Variants in THSD7B observed in about 807,000 individuals in gnomAD.
THSD7B encodes the protein thrombospondin type-1 domain-containing protein 7B.
In THSD7B, 138 loss-of-function variants were observed where a neutral mutation model predicts 213.6. That is an observed-to-expected ratio of 0.65 (90% CI 0.56 to 0.74). The LOEUF (loss-of-function observed/expected upper bound fraction) is 0.74, where lower values mean the gene tolerates loss of function less well. Ranked by LOEUF, THSD7B falls within the 30% of genes least tolerant of loss-of-function variation. THSD7B has a pLI of 0.00. For missense variants in THSD7B, 1,931 were observed against 1,991.5 expected, an observed-to-expected ratio of 0.97 and a Z score of 0.58; for synonymous variants, 742 against 687.0, an observed-to-expected ratio of 1.08 and a Z score of -1.25.
intron 12 of THSD7B, among the ~76,000 whole-genome samples, chr2:137,357,415 T>TTTTG (rs145915285): frequency 2.6e-4 from 40 of 152,218 alleles, no homozygotes; most frequent in African/African-American, 9.2e-4. Context: ...TTTAGAGTTT[T>TTTTG]TTTGTTTGTT....
intron 5 of THSD7B, among the ~76,000 whole-genome samples, chr2:137,135,503 A>T (rs1288004354): frequency 6.6e-6 from 1 of 152,172 alleles, no homozygotes; most frequent in Non-Finnish European, 1.5e-5. Context: ...GATTATCAGA[A>T]TTCTTTTTTG....
Position 137,311,021 on chromosome 2 carries a change from T to G in THSD7B, c.2500+34995T>G, listed in dbSNP as rs375653868. Among the ~76,000 whole-genome samples the G allele has an allele frequency of 9.4e-3, 1,349 of 143,110 alleles. 20 individuals carry two copies. The highest frequency in any genetic ancestry group is 0.029 in the East Asian group (136 of 4,612). 93.9% of individuals were successfully genotyped at this position (143,110 alleles called of 152,430 possible). On this transcript the variant is annotated intron_variant, in intron 12 of 27. Coordinates refer to ENST00000409968, the MANE Select transcript of THSD7B (RefSeq NM_001316349.2). ...TTGCTTCCATATGAACTTTAAAGTA[T>G]TTTTTTCCAATTCTGTGAAGAAAGT...
At chr2:137,462,118 G>A (rs141446570) in intron 15 of THSD7B, among the ~76,000 whole-genome samples, 2 of 152,170 alleles carry the variant, frequency 1.3e-5, no homozygotes, top group African/African-American at 2.4e-5. Context: ...ACATTGTGCA[G>A]CATCCTGCAT....
intron 17 of THSD7B, among the ~76,000 whole-genome samples, chr2:137,589,953 A>C (rs1681828445): frequency 1.3e-5 from 2 of 152,202 alleles, no homozygotes; most frequent in Non-Finnish European, 2.9e-5. Flanking sequence ...ACTAAGATGA[A>C]GACCACATAA....
intron 5 of THSD7B, among the ~76,000 whole-genome samples, chr2:137,117,446 G>A (rs1367923998): frequency 6.6e-6 from 1 of 152,056 alleles, no homozygotes; most frequent in Non-Finnish European, 1.5e-5. Flanking sequence ...TAGCATTTCA[G>A]TTTCTGTGAA....
intron 21 of THSD7B, among the ~76,000 whole-genome samples, chr2:137,651,063 T>TG (rs1461151244): frequency 6.6e-6 from 1 of 152,188 alleles, no homozygotes; most frequent in Non-Finnish European, 1.5e-5. Context: ...TTTCTGGTCT[T>TG]GGATCAGGGA....
At chr2:136,873,696 A>G (rs909185592) in intron 1 of THSD7B, among the ~76,000 whole-genome samples, 1 of 152,194 alleles carries the variant, frequency 6.6e-6, no homozygotes, top group South Asian at 2.1e-4. Context: ...TGAGAAAACA[A>G]TGACAATAGT....
chr2:137,158,329 C>G (rs1679948064), intron 5 of THSD7B, among the ~76,000 whole-genome samples: 1 of 152,142 alleles, frequency 6.6e-6, no homozygotes, highest in African/African-American at 2.4e-5. Flanking sequence ...CCTATTGTTC[C>G]CATTTCAAGC....
chr2:137,402,973 A>T (rs1686406616), intron 12 of THSD7B, among the ~76,000 whole-genome samples: 1 of 152,198 alleles, frequency 6.6e-6, no homozygotes, highest in African/African-American at 2.4e-5. Flanking sequence ...TGGTTATCTA[A>T]ACAAGCAATT....
intron 15 of THSD7B, among the ~76,000 whole-genome samples, chr2:137,524,502 AT>A (rs891980973): frequency 3.9e-5 from 6 of 152,022 alleles, no homozygotes; most frequent in South Asian, 4.2e-4. Context: ...AAATATCTGC[AT>A]TTTTTTTATA....
At chr2:137,102,649 A>G (rs1688172591) in intron 4 of THSD7B, among the ~76,000 whole-genome samples, 1 of 152,188 alleles carries the variant, frequency 6.6e-6, no homozygotes, top group South Asian at 2.1e-4. Context: ...AAAAGTTTAA[A>G]GGAATCTCAC....
intron 15 of THSD7B, among the ~76,000 whole-genome samples, chr2:137,539,292 C>T (rs1021200470): frequency 3.3e-5 from 5 of 151,412 alleles, no homozygotes; most frequent in South Asian, 4.2e-4. Context: ...TTTTTTTTCA[C>T]GTGCAGGGTT....
intron 2 of THSD7B, among the ~76,000 whole-genome samples, chr2:136,951,221 C>A (rs1685032568): frequency 6.6e-6 from 1 of 152,090 alleles, no homozygotes; most frequent in South Asian, 2.1e-4. Context: ...TGAGAGATAG[C>A]TTTATTGAGC....
chr2:137,385,630 AG>A (rs1685877203), intron 12 of THSD7B, among the ~76,000 whole-genome samples: 1 of 151,738 alleles, frequency 6.6e-6, no homozygotes, highest in African/African-American at 2.4e-5. Context: ...AGTGGACAAA[AG>A]GTGGCCAATT....
chr2:137,461,209 T>C lies in THSD7B; in HGVS notation c.3138+10186T>C, dbSNP rs943005054. Among the ~76,000 whole-genome samples, 5 of 152,158 alleles carry C rather than the reference T, an allele frequency of 3.3e-5. No individual in the cohort carries two copies. In the East Asian group the frequency reaches 9.6e-4, roughly 29 times the overall value. On this transcript the variant is annotated intron_variant, in intron 15 of 27. Transcript: ENST00000409968. ...TCTTTTAATAATAGACACATATGTA[T>C]GCATTTCTATTCAGTACATGCCTAA...
intron 5 of THSD7B, among the ~76,000 whole-genome samples, chr2:137,116,533 C>T (rs1688449295): frequency 6.6e-6 from 1 of 152,200 alleles, no homozygotes; most frequent in South Asian, 2.1e-4. Flanking sequence ...CAGGGATCAA[C>T]ATATAAATAA....
chr2:137,335,923 A>G (rs767435163), intron 12 of THSD7B, among the ~76,000 whole-genome samples: 20 of 149,746 alleles, frequency 1.3e-4, no homozygotes, highest in Middle Eastern at 3.4e-3. Context: ...CTACTGATTT[A>G]TTTGTTTGTA....
At chr2:137,579,451 G>A (rs973073296) in intron 17 of THSD7B, among the ~76,000 whole-genome samples, 3 of 152,110 alleles carry the variant, frequency 2.0e-5, no homozygotes, top group Non-Finnish European at 2.9e-5. Context: ...TGCAGAACTT[G>A]GGACTTGTCA....
chr2:136,796,656 A>G (rs1322388566), intron 1 of THSD7B, among the ~76,000 whole-genome samples: 1 of 151,912 alleles, frequency 6.6e-6, no homozygotes, highest in Non-Finnish European at 1.5e-5. Context: ...CAGTATTTTA[A>G]CCTTTGTGCT....
Sources: gnomAD v4.1 joint callset for allele counts (sites outside exome capture counted in the v4.1 genomes callset) on GRCh38, gnomAD v4.1.1 for gene constraint, MANE v1.5 for transcripts, NCBI Gene and HGNC (gene_info 2026-07-23, HGNC 2026-07-21) for gene names.